Variants in GSDME observed in about 807,000 individuals in gnomAD.
GSDME encodes the protein gasdermin E, also known as gasdermin-E.
In GSDME, 44 loss-of-function variants were observed where a neutral mutation model predicts 47.5. The observed-to-expected ratio is 0.93, with a 90% CI of 0.73 to 1.19. GSDME has a LOEUF of 1.19. Among genes scored for constraint, GSDME ranks in the 50% most tolerant of loss-of-function variants. The pLI, the probability that GSDME is intolerant of heterozygous loss-of-function variation, is 0.00. For missense variants in GSDME, 663 were observed against 604.2 expected (o/e 1.10, Z -1.02); for synonymous variants, 258 against 252.8 (o/e 1.02, Z -0.20).
Position 24,721,355 on chromosome 7 carries a change from C to T in GSDME, c.405-2137G>A, listed in dbSNP as rs1289826270. ...AAATGTCTCACACGTGATAAAAATA[C>T]ATTGATGACAACCACAAAGCTGCCG... On this transcript the variant is annotated intron_variant, in intron 3 of 9. Transcript: ENST00000645220. This position sits in a 1 kb window ranked among gnomAD's most constrained non-coding sequence, Gnocchi z 4.1. Among the ~76,000 whole-genome samples the T allele has an allele frequency of 6.6e-6, 1 of 152,180 alleles. No individual in the cohort carries two copies. Among genetic ancestry groups the T allele is most frequent in the African/African-American group, 2.4e-5 (1 of 41,424 alleles).
the GSDME span, among the ~76,000 whole-genome samples, chr7:24,787,185 G>A: frequency 1.3e-5 from 2 of 152,158 alleles, no homozygotes; most frequent in African/African-American, 2.4e-5. This position sits in a 1 kb window ranked among gnomAD's most constrained non-coding sequence, Gnocchi z 5.0. Flanking sequence ...CAGCGTTGTG[G>A]CTTACTTAGC....
At chr7:24,699,870 T>C (rs1788791952) in intron 9 of GSDME, among the ~76,000 whole-genome samples, 1 of 152,224 alleles carries the variant, frequency 6.6e-6, no homozygotes, top group Non-Finnish European at 1.5e-5. Flanking sequence ...GTTTTTGTTT[T>C]ACTGAAGATA....
chr7:24,722,011 G>GGA (rs1273920538), intron 3 of GSDME, among the ~76,000 whole-genome samples: 2 of 152,128 alleles, frequency 1.3e-5, no homozygotes, highest in African/African-American at 4.8e-5. Flanking sequence ...TCACTTCTCT[G>GGA]GAGAGCACAT....
chr7:24,709,558 G>A (rs1017096041), intron 6 of GSDME, among the ~76,000 whole-genome samples: 7 of 151,946 alleles, frequency 4.6e-5, no homozygotes, highest in Non-Finnish European at 8.8e-5. Context: ...GCGCGCACAC[G>A]GAGCGGTTCC....
At position 24,698,727 on chromosome 7, in the gene GSDME, T is replaced by C. The variant is rs577672103; in HGVS notation, c.*299A>G. 7.8e-5 allele frequency: 33 copies of C among 424,872 alleles called. No individual in the cohort carries two copies. The East Asian group carries it at 1.2e-3, about 16-fold the overall frequency. 26.3% of individuals were successfully genotyped at this position (424,872 alleles called of 1,614,324 possible). A position where few individuals can be genotyped will look rare whatever the true frequency, so the allele number is the denominator to read the frequency against. ...GGAATGCAAGTGACAGATGGACTTA[T>C]TATTGTGCAGAAAAAACGTCTGAAT... On this transcript the variant is annotated 3_prime_UTR_variant, in exon 10 of 10. Transcript: ENST00000645220.
chr7:24,751,215 A>G (rs1790848361), intron 1 of GSDME, among the ~76,000 whole-genome samples: 1 of 152,242 alleles, frequency 6.6e-6, no homozygotes, highest in African/African-American at 2.4e-5. Flanking sequence ...GTTCTAAACC[A>G]TTCACAATAC....
the GSDME span, among the ~76,000 whole-genome samples, chr7:24,785,775 G>T: frequency 6.6e-6 from 1 of 152,162 alleles, no homozygotes; most frequent in African/African-American, 2.4e-5. Flanking sequence ...TTTTAAACAT[G>T]TCAAGCACAC....
At chr7:24,787,677 G>GT in the GSDME span, among the ~76,000 whole-genome samples, 47 of 149,134 alleles carry the variant, frequency 3.2e-4, no homozygotes, top group East Asian at 7.8e-4. This position sits in a 1 kb window ranked among gnomAD's most constrained non-coding sequence, Gnocchi z 5.0. Flanking sequence ...AACCAAAGAG[G>GT]TTTTTTTTTT....
rs1196876860 is a variant in GSDME at position 24,712,239 on chromosome 7, A to C, written c.698-1851T>G. Among the ~76,000 whole-genome samples, 13 of 152,246 alleles carry C rather than the reference A, an allele frequency of 8.5e-5. No homozygotes were observed. The highest frequency in any genetic ancestry group is 4.4e-5 in the Non-Finnish European group (3 of 68,042). Reference sequence around the variant, plus strand: ...TCCTCCACACTTTGCGCTTAGCCACAGGGGTGCAGGAGTGTGAACCAGCAC... The same window carrying C: ...TCCTCCACACTTTGCGCTTAGCCACCGGGGTGCAGGAGTGTGAACCAGCAC... On this transcript the variant is annotated intron_variant, in intron 5 of 9. Coordinates refer to ENST00000645220, the MANE Select transcript of GSDME (RefSeq NM_001127453.2). The surrounding 1 kb of genome is among the most constrained non-coding windows in gnomAD (Gnocchi z 4.4).
At chr7:24,734,576 A>G (rs1318185287) in intron 3 of GSDME, among the ~76,000 whole-genome samples, 1 of 152,286 alleles carries the variant, frequency 6.6e-6, no homozygotes, top group African/African-American at 2.4e-5. Context: ...GCATTCCTTC[A>G]GATACATTTA....
chr7:24,776,693 T>A, the GSDME span, among the ~76,000 whole-genome samples: 2 of 152,218 alleles, frequency 1.3e-5, no homozygotes, highest in Non-Finnish European at 2.9e-5. Flanking sequence ...ATGAGCCTGG[T>A]AATATGAAAA....
At chr7:24,707,111 C>T (rs75830240) in intron 7 of GSDME, among the ~76,000 whole-genome samples, 5,827 of 152,294 alleles carry the variant, frequency 0.038, 155 homozygotes, top group Non-Finnish European at 0.057. Flanking sequence ...GGCTGTGGGA[C>T]TGTTTCAATA....
At position 24,732,397 on chromosome 7, in the gene GSDME, C is replaced by T. The variant is rs1006811068; in HGVS notation, c.404+12165G>A. Among the ~76,000 whole-genome samples, 2 of 152,164 alleles carry T rather than the reference C, an allele frequency of 1.3e-5. No individual in the cohort carries two copies. Among genetic ancestry groups the T allele is most frequent in the South Asian group, 2.1e-4 (1 of 4,828 alleles). On this transcript the variant is annotated intron_variant, in intron 3 of 9. Transcript: ENST00000645220. This position sits in a 1 kb window ranked among gnomAD's most constrained non-coding sequence, Gnocchi z 4.8. ...GCAAGATGGGTGAATGGAAGCCTCC[C>T]GTGATTGTTCTCCCCACAGGAACAC... is the stretch of plus-strand genomic sequence containing the variant.
At chr7:24,699,386 A>T in intron 9 of GSDME, 127 bp from the exon 10 acceptor site, 1 of 720,272 alleles carries the variant, frequency 1.4e-6, no homozygotes, top group Admixed American at 2.0e-5. Flanking sequence ...TCTGTCGTCC[A>T]GGCTGGAGTG....
chr7:24,709,736 C>T (rs910069319), intron 6 of GSDME, among the ~76,000 whole-genome samples: 1 of 152,234 alleles, frequency 6.6e-6, no homozygotes, highest in African/African-American at 2.4e-5. Flanking sequence ...CATGGCCCCT[C>T]TTCCTCTTTG....
chr7:24,729,210 C>G (rs147886208), intron 3 of GSDME, among the ~76,000 whole-genome samples: 7 of 152,202 alleles, frequency 4.6e-5, no homozygotes, highest in Admixed American at 1.3e-4. Flanking sequence ...AGTGACTTCA[C>G]GCCAAAGCCC....
the GSDME span, among the ~76,000 whole-genome samples, chr7:24,794,088 C>T: frequency 1.3e-5 from 2 of 152,008 alleles, no homozygotes; most frequent in East Asian, 3.8e-4. Flanking sequence ...CTAAATTTAC[C>T]TTGGCTTTTA....
chr7:24,711,918 C>T (rs1323418812), intron 5 of GSDME, among the ~76,000 whole-genome samples: 1 of 151,624 alleles, frequency 6.6e-6, no homozygotes, highest in Non-Finnish European at 1.5e-5. Context: ...TAAGTTATTA[C>T]GTCCTTGCTA....
the GSDME span, among the ~76,000 whole-genome samples, chr7:24,766,214 T>TGCGCGC: frequency 4.6e-4 from 69 of 151,406 alleles, no homozygotes; most frequent in East Asian, 1.4e-3. This position sits in a 1 kb window ranked among gnomAD's most constrained non-coding sequence, Gnocchi z 4.2. Flanking sequence ...TGTGTGTGTG[T>TGCGCGC]GCATGTTTGC....
Sources: allele counts gnomAD v4.1 joint callset (sites outside exome capture counted in the v4.1 genomes callset), GRCh38; gene constraint gnomAD v4.1.1; non-coding constraint Gnocchi (gnomAD v3.1); transcripts MANE v1.5; gene names NCBI Gene and HGNC (gene_info 2026-07-23, HGNC 2026-07-21).